PCGF6: variants seen among roughly 807,000 people sequenced by gnomAD.
PCGF6 encodes the protein polycomb group RING finger protein 6.
PCGF6 carries 24 observed loss-of-function variants against 45.5 expected under a neutral mutation model. That is an observed-to-expected ratio of 0.53 (90% CI 0.38 to 0.74). PCGF6 has a LOEUF of 0.74. Ranked by LOEUF, PCGF6 falls within the 30% of genes least tolerant of loss-of-function variation. PCGF6 has a pLI of 0.00. For missense variants in PCGF6, 356 were observed against 443.2 expected, an observed-to-expected ratio of 0.80 and a Z score of 1.77; for synonymous variants, 152 against 162.1, an observed-to-expected ratio of 0.94 and a Z score of 0.47.
At position 103,347,497 on chromosome 10, in the gene PCGF6, C is replaced by A. The variant is rs372427350; in HGVS notation, c.558-47G>T. On this transcript the variant is annotated intron_variant, in intron 3 of 9. Coordinates refer to ENST00000369847, the MANE Select transcript of PCGF6 (RefSeq NM_001011663.2). ...GAATACCTCAGAATTCAGAAAAATG[C>A]ATTTTGGTACAGAGTGAGTTAATTG... 3.4e-6 allele frequency: 5 copies of A among 1,461,214 alleles called. No homozygotes were observed. In the African/African-American group the frequency reaches 7.1e-5, roughly 21 times the overall value. 90.5% of individuals were successfully genotyped at this position (1,461,214 alleles called of 1,614,324 possible).
chr10:103,327,145 C>G (rs1202796370), intron 7 of PCGF6, among the ~76,000 whole-genome samples: 1 of 152,022 alleles, frequency 6.6e-6, no homozygotes, highest in Non-Finnish European at 1.5e-5. Flanking sequence ...ATTAGCTGGG[C>G]AAGGTGGCAC....
rs530327560 is a variant in PCGF6, at chr10:103,323,590, C to T, written c.909+2944G>A. The stretch of plus-strand genomic sequence containing the variant: ...GATTACAGGTGTGAGCCACCGCGTC[C>T]GGCCCCTTTTCTTTTTTTTGATATA... On this transcript the variant is annotated intron_variant, in intron 8 of 9. Transcript: ENST00000369847. Among the ~76,000 whole-genome samples, 25 of 143,518 alleles carry T rather than the reference C, an allele frequency of 1.7e-4. No homozygotes were observed. In the South Asian group the frequency reaches 4.4e-3, roughly 25 times the overall value. 94.2% of individuals were successfully genotyped at this position (143,518 alleles called of 152,430 possible). A position where few individuals can be genotyped will look rare whatever the true frequency, so the allele number is the denominator to read the frequency against.
At chr10:103,323,053 G>A (rs1490394509) in intron 8 of PCGF6, among the ~76,000 whole-genome samples, 2 of 151,998 alleles carry the variant, frequency 1.3e-5, no homozygotes, top group Non-Finnish European at 2.9e-5. Context: ...GAAATAACAG[G>A]CTGTTATGGG....
intron 9 of PCGF6, among the ~76,000 whole-genome samples, chr10:103,306,223 G>C (rs1592051985): frequency 6.6e-6 from 1 of 151,754 alleles, no homozygotes; most frequent in East Asian, 1.9e-4. Context: ...TCAGCCTCCT[G>C]AGTAGCTGGG....
At chr10:103,311,174 C>A (rs1039384384) in intron 9 of PCGF6, among the ~76,000 whole-genome samples, 6 of 152,128 alleles carry the variant, frequency 3.9e-5, no homozygotes, top group Middle Eastern at 3.2e-3. Context: ...CCGAGTCTTG[C>A]TCTGCCGTCC....
chr10:103,327,162 A>G (rs573879756), intron 7 of PCGF6, among the ~76,000 whole-genome samples: 1 of 152,168 alleles, frequency 6.6e-6, no homozygotes, highest in African/African-American at 2.4e-5. Flanking sequence ...GCACATGCCT[A>G]TAATCCCAGC....
At chr10:103,339,810 A>AAAACACACAC (rs1554865094) in intron 6 of PCGF6, among the ~76,000 whole-genome samples, 3 of 32,226 alleles carry the variant, frequency 9.3e-5, no homozygotes, top group African/African-American at 1.7e-4. Context: ...TCAAAAAAAA[A>AAAACACACAC]ACACACACAC....
chr10:103,336,903 A>G (rs2093259325), intron 6 of PCGF6, among the ~76,000 whole-genome samples: 1 of 152,100 alleles, frequency 6.6e-6, no homozygotes, highest in Admixed American at 6.6e-5. Flanking sequence ...ACTTGCTTCC[A>G]CTTAATCAAA....
chr10:103,316,132 C>A (rs1167541802), intron 8 of PCGF6, among the ~76,000 whole-genome samples: 2 of 151,924 alleles, frequency 1.3e-5, no homozygotes, highest in African/African-American at 2.4e-5. Context: ...AGAATGTCAC[C>A]TCTGCTTCCT....
chr10:103,330,772 A>G (rs549708356), intron 7 of PCGF6, among the ~76,000 whole-genome samples: 1 of 152,304 alleles, frequency 6.6e-6, no homozygotes, highest in East Asian at 1.9e-4. Flanking sequence ...TACTAAAAAT[A>G]CAAAAAATTA....
intron 9 of PCGF6, among the ~76,000 whole-genome samples, chr10:103,312,899 T>TG (rs2093162464): frequency 6.6e-6 from 1 of 152,080 alleles, no homozygotes; most frequent in Non-Finnish European, 1.5e-5. Flanking sequence ...AGGCGGAGCT[T>TG]GCAGTGAGCC....
chr10:103,303,834 G>C lies in PCGF6; in HGVS notation c.*71C>G, dbSNP rs1373534003. ...CAAAGTGGTAGCAATTACATTTCAT[G>C]GAAATCTTTGGTGAGATGCAGTCCT... is the stretch of plus-strand genomic sequence containing the variant. On this transcript the variant is annotated 3_prime_UTR_variant, in exon 10 of 10. Transcript: ENST00000369847. 7 of 1,322,468 alleles carry C rather than the reference G, an allele frequency of 5.3e-6. No homozygotes were observed. The East Asian group carries it at 1.6e-4, about 30-fold the overall frequency. 81.9% of individuals were successfully genotyped at this position (1,322,468 alleles called of 1,614,324 possible).
At chr10:103,346,420 T>C (rs1368524046) in intron 5 of PCGF6, among the ~76,000 whole-genome samples, 2 of 151,798 alleles carry the variant, frequency 1.3e-5, no homozygotes, top group Non-Finnish European at 2.9e-5. Flanking sequence ...GGTCAAGAGA[T>C]TGAGACCATC....
intron 9 of PCGF6, among the ~76,000 whole-genome samples, chr10:103,306,120 TG>T (rs2093137606): frequency 2.0e-5 from 3 of 150,092 alleles, no homozygotes; most frequent in African/African-American, 7.4e-5. Flanking sequence ...TTTTTTGAGA[TG>T]GAGTTTTGCT....
Position 103,326,642 on chromosome 10 carries a change from C to CAGACAG in PCGF6, c.811-16_811-11dup, listed in dbSNP as rs756734514. ...ACTTCTTTTCCAATGGCTACAAAAA[C>CAGACAG]AGACAGATAAAACTATTTTTAGGTT... On this transcript the variant is annotated splice_polypyrimidine_tract_variant and intron_variant, in intron 7 of 9. Coordinates refer to ENST00000369847, the MANE Select transcript of PCGF6 (RefSeq NM_001011663.2). 1.2e-6 allele frequency: 2 copies of CAGACAG among 1,602,736 alleles called. No homozygotes were observed. The highest frequency in any genetic ancestry group is 1.7e-6 in the Non-Finnish European group (2 of 1,174,142).
At chr10:103,312,863 A>G (rs2133558097) in intron 9 of PCGF6, among the ~76,000 whole-genome samples, 1 of 152,282 alleles carries the variant, frequency 6.6e-6, no homozygotes, top group Middle Eastern at 3.4e-3. Flanking sequence ...CGGGAGGCTG[A>G]GGCAGGAGAA....
intron 9 of PCGF6, among the ~76,000 whole-genome samples, chr10:103,310,194 C>G (rs1448706422): frequency 6.6e-6 from 1 of 151,270 alleles, no homozygotes; most frequent in Admixed American, 6.6e-5. Flanking sequence ...TTAGGTGATC[C>G]CCCCACCTCG....
At chr10:103,339,551 G>C (rs2133590329) in intron 6 of PCGF6, among the ~76,000 whole-genome samples, 2 of 151,914 alleles carry the variant, frequency 1.3e-5, no homozygotes, top group South Asian at 4.2e-4. Flanking sequence ...AGCACTTTGG[G>C]AGGCCAAGGC....
chr10:103,305,897 TAAA>T (rs951962252), intron 9 of PCGF6, among the ~76,000 whole-genome samples: 1 of 137,024 alleles, frequency 7.3e-6, no homozygotes. Flanking sequence ...TTATATAATT[TAAA>T]AAAAAAAAAA....
Sources: gnomAD v4.1 joint callset for allele counts (sites outside exome capture counted in the v4.1 genomes callset) on GRCh38, gnomAD v4.1.1 for gene constraint, MANE v1.5 for transcripts, NCBI Gene and HGNC (gene_info 2026-07-23, HGNC 2026-07-21) for gene names.